The following PARM1 variants were observed in gnomAD, a reference collection of about 807,000 sequenced individuals.
The protein encoded by PARM1 is prostate androgen-regulated mucin-like protein 1.
Under a neutral mutation model 24.6 loss-of-function variants are expected in PARM1, and 14 were observed. That is an observed-to-expected ratio of 0.57 (90% CI 0.38 to 0.89). The LOEUF (loss-of-function observed/expected upper bound fraction) is 0.89. PARM1 is among the 40% of genes least tolerant of loss of function. The pLI, the probability that PARM1 is intolerant of heterozygous loss-of-function variation, is 0.00. For synonymous variants in PARM1, 179 were observed against 156.6 expected (o/e 1.14, Z -1.07); for missense variants, 362 against 380.4 (o/e 0.95, Z 0.40).
At chr4:75,037,761 G>T (rs375466957) in intron 3 of PARM1, among the ~76,000 whole-genome samples, 3 of 152,228 alleles carry the variant, frequency 2.0e-5, no homozygotes. Flanking sequence ...AGGCGGCCTT[G>T]GGCAAATTAT....
chr4:75,014,113 G>A (rs1231685562), intron 2 of PARM1, among the ~76,000 whole-genome samples: 1 of 152,196 alleles, frequency 6.6e-6, no homozygotes, highest in Non-Finnish European at 1.5e-5. Context: ...ACCCTGCATG[G>A]TCAGTTGGGG....
At position 75,011,916 on chromosome 4, in the gene PARM1, A is replaced by G. The variant is rs541085595; in HGVS notation, c.44-509A>G. On this transcript the variant is annotated intron_variant, in intron 1 of 3. Transcript: ENST00000307428. ...GTGCAGAATGGATAGCCCTCAAGAC[A>G]TGGAACAGCCAGTCAGTGAGCTCCT... Among the ~76,000 whole-genome samples the G allele has an allele frequency of 2.6e-5, 4 of 152,258 alleles. No homozygotes were observed. The South Asian group carries it at 6.2e-4, about 24-fold the overall frequency.
intron 1 of PARM1, among the ~76,000 whole-genome samples, chr4:74,983,169 AC>A (rs1722290962): frequency 6.6e-6 from 1 of 152,096 alleles, no homozygotes. Flanking sequence ...CATCTGACCC[AC>A]CCCTCATGTA....
rs189937229 is a variant in PARM1, at chr4:74,945,568, C to T, written c.43+12198C>T. Among the ~76,000 whole-genome samples the T allele has an allele frequency of 2.1e-4, 32 of 152,250 alleles. No homozygotes were observed. In the South Asian group the frequency reaches 3.7e-3, roughly 18 times the overall value. Reference sequence around the variant, plus strand: ...AAACAAATATTCCATTTTCTAAAACCAGATGCTGCATAAATCATTGATCAG... The same window carrying T: ...AAACAAATATTCCATTTTCTAAAACTAGATGCTGCATAAATCATTGATCAG... On this transcript the variant is annotated intron_variant, in intron 1 of 3. Transcript: ENST00000307428.
chr4:75,029,602 C>CT, intron 2 of PARM1, among the ~76,000 whole-genome samples: 1 of 152,130 alleles, frequency 6.6e-6, no homozygotes, highest in African/African-American at 2.4e-5. Flanking sequence ...TCCATTAAAC[C>CT]TTTTTTTATA....
At chr4:74,952,056 A>G (rs979788822) in intron 1 of PARM1, among the ~76,000 whole-genome samples, 2 of 152,210 alleles carry the variant, frequency 1.3e-5, no homozygotes, top group Non-Finnish European at 2.9e-5. Flanking sequence ...TCCCACCAAC[A>G]GTGTAAAAGC....
intron 1 of PARM1, among the ~76,000 whole-genome samples, chr4:74,968,566 G>C (rs1236558151): frequency 1.3e-5 from 2 of 152,134 alleles, no homozygotes; most frequent in African/African-American, 4.8e-5. Context: ...AATAATTCTG[G>C]AACTTAATTA....
intron 2 of PARM1, among the ~76,000 whole-genome samples, chr4:75,025,213 T>G (rs572907039): frequency 1.1e-4 from 16 of 152,270 alleles, no homozygotes; most frequent in African/African-American, 3.9e-4. Flanking sequence ...GAGTTGAGAT[T>G]CCCCAGCCTG....
intron 1 of PARM1, among the ~76,000 whole-genome samples, chr4:75,007,084 CAAAAG>C (rs558526946): frequency 6.6e-6 from 1 of 152,134 alleles, no homozygotes; most frequent in South Asian, 2.1e-4. Context: ...AGACACTTCT[CAAAAG>C]AAGACATTTA....
At chr4:75,026,081 G>A (rs1723177441) in intron 2 of PARM1, among the ~76,000 whole-genome samples, 1 of 152,196 alleles carries the variant, frequency 6.6e-6, no homozygotes, top group Admixed American at 6.5e-5. Flanking sequence ...ACAGAGACAA[G>A]CTTAGGTTGT....
intron 1 of PARM1, among the ~76,000 whole-genome samples, chr4:74,943,597 T>C (rs1721354812): frequency 6.6e-6 from 1 of 152,220 alleles, no homozygotes; most frequent in Non-Finnish European, 1.5e-5. Flanking sequence ...TACAAAATTT[T>C]TCTTCTTAAA....
intron 2 of PARM1, among the ~76,000 whole-genome samples, chr4:75,014,604 C>A (rs1432521914): frequency 6.6e-6 from 1 of 152,164 alleles, no homozygotes; most frequent in East Asian, 1.9e-4. Flanking sequence ...AATGACTACT[C>A]TGCCCTCCCT....
At chr4:74,971,215 G>T (rs746073947) in intron 1 of PARM1, among the ~76,000 whole-genome samples, 2 of 152,214 alleles carry the variant, frequency 1.3e-5, no homozygotes, top group Non-Finnish European at 2.9e-5. Flanking sequence ...AGAAGGCGAA[G>T]GAGCAAAGGC....
chr4:74,969,532 C>G (rs1276324351), intron 1 of PARM1: 1 of 152,224 alleles, frequency 6.6e-6, no homozygotes, highest in African/African-American at 2.4e-5. Context: ...AGAGGGCACA[C>G]AGCCTCACAT....
At chr4:74,977,396 G>A (rs1378479398) in intron 1 of PARM1, among the ~76,000 whole-genome samples, 1 of 152,016 alleles carries the variant, frequency 6.6e-6, no homozygotes, top group Non-Finnish European at 1.5e-5. Flanking sequence ...AAGACAGGCA[G>A]ACAAGATTAG....
chr4:74,944,526 G>C (rs1721372523), intron 1 of PARM1, among the ~76,000 whole-genome samples: 1 of 152,104 alleles, frequency 6.6e-6, no homozygotes, highest in African/African-American at 2.4e-5. Flanking sequence ...GGTGCTGGAG[G>C]ACAGGTGACC....
At chr4:75,010,057 G>A (rs756376563) in intron 1 of PARM1, among the ~76,000 whole-genome samples, 9 of 152,230 alleles carry the variant, frequency 5.9e-5, no homozygotes, top group African/African-American at 1.2e-4. Context: ...GTTCACCCAC[G>A]TTCATGGCAA....
At chr4:75,003,758 A>T (rs965790716) in intron 1 of PARM1, among the ~76,000 whole-genome samples, 1 of 152,196 alleles carries the variant, frequency 6.6e-6, no homozygotes, top group African/African-American at 2.4e-5. Context: ...AGCAGAGCCC[A>T]CCAAAGACAA....
rs112437676 is a variant in PARM1 at position 74,933,427 on chromosome 4, C to T, written c.43+57C>T. On this transcript the variant is annotated intron_variant, in intron 1 of 3. Coordinates refer to ENST00000307428, the MANE Select transcript of PARM1 (RefSeq NM_015393.4). Reference sequence around the variant, plus strand: ...TCGCGGGGTGGGCCCCAGTAGCTAGCGCGTGGTCGGGGCTGAAGCTAGGAG... The same window carrying T: ...TCGCGGGGTGGGCCCCAGTAGCTAGTGCGTGGTCGGGGCTGAAGCTAGGAG... 5.9e-5 allele frequency: 88 copies of T among 1,503,858 alleles called. 4 individuals carry two copies. The African/African-American group carries it at 6.3e-4, about 11-fold the overall frequency. The allele number at this position is 1,503,858 out of a possible 1,614,324, so 93.2% of individuals were successfully genotyped here.
Sources: gnomAD v4.1 joint callset for allele counts (sites outside exome capture counted in the v4.1 genomes callset) on GRCh38, gnomAD v4.1.1 for gene constraint, MANE v1.5 for transcripts, NCBI Gene and HGNC (gene_info 2026-07-23, HGNC 2026-07-21) for gene names.